The following TIAM2 variants were observed in gnomAD, a reference collection of about 807,000 sequenced individuals.
TIAM2 encodes the protein TIAM Rac1 associated GEF 2.
TIAM2 carries 80 observed loss-of-function variants against 152.9 expected under a neutral mutation model. The observed-to-expected ratio is 0.52, with a 90% CI of 0.44 to 0.63. The LOEUF (loss-of-function observed/expected upper bound fraction) is 0.63. Ranked by LOEUF, TIAM2 falls within the 30% of genes least tolerant of loss-of-function variation. TIAM2 has a pLI of 0.00. For missense variants in TIAM2, 1,965 were observed against 2,120.1 expected (o/e 0.93, Z 1.44); for synonymous variants, 804 against 838.0 (o/e 0.96, Z 0.70).
At chr6:155,204,176 A>G (rs955419378) in intron 14 of TIAM2, among the ~76,000 whole-genome samples, 2 of 152,244 alleles carry the variant, frequency 1.3e-5, no homozygotes, top group African/African-American at 2.4e-5. Flanking sequence ...CCTCGATTTT[A>G]CAAAGAAATG....
chr6:155,240,427 G>A, intron 15 of TIAM2, 103 bp from the exon 16 acceptor site: 2 of 1,282,132 alleles, frequency 1.6e-6, no homozygotes, highest in Non-Finnish European at 2.1e-6. Context: ...GCCCCTCTGA[G>A]ATCCCTGCTG....
intron 14 of TIAM2, among the ~76,000 whole-genome samples, chr6:155,194,046 G>T (rs1186062604): frequency 6.6e-6 from 1 of 152,228 alleles, no homozygotes; most frequent in African/African-American, 2.4e-5. Flanking sequence ...CGATACATAT[G>T]GAGCAGCAAC....
At chr6:155,055,847 A>G (rs188621824) in intron 1 of TIAM2, among the ~76,000 whole-genome samples, 3 of 151,830 alleles carry the variant, frequency 2.0e-5, no homozygotes, top group Non-Finnish European at 4.4e-5. Context: ...CCTGTATCCT[A>G]GCTACTTGGG....
rs147320710 is a variant in TIAM2, at chr6:155,083,175, CCT to C, written c.-208-7113_-208-7112del. Among the ~76,000 whole-genome samples the C allele has an allele frequency of 3.3e-5, 5 of 151,888 alleles. No individual in the cohort carries two copies. In the East Asian group the frequency reaches 9.7e-4, roughly 29 times the overall value. On this transcript the variant is annotated intron_variant, in intron 1 of 26. Transcript: ENST00000682666. Reference sequence around the variant, plus strand: ...CCAGCTCGGTGAACATGGCGAAACCCCTGTCTCTACTAAAAGTACAAAAATTA... The same window carrying C: ...CCAGCTCGGTGAACATGGCGAAACCCGTCTCTACTAAAAGTACAAAAATTA...
At chr6:155,161,602 C>G (rs150518649) in intron 7 of TIAM2, among the ~76,000 whole-genome samples, 3,055 of 147,664 alleles carry the variant, frequency 0.021, 52 homozygotes, top group Middle Eastern at 0.066. Flanking sequence ...GAGTCTCACT[C>G]TGTTGCCCAG....
chr6:155,185,984 T>A (rs1393817253), intron 14 of TIAM2, among the ~76,000 whole-genome samples: 1 of 152,212 alleles, frequency 6.6e-6, no homozygotes, highest in Non-Finnish European at 1.5e-5. Flanking sequence ...GTTGCGTTGC[T>A]TGTGAAGGAA....
intron 14 of TIAM2, among the ~76,000 whole-genome samples, chr6:155,206,914 T>A (rs1223918686): frequency 6.6e-6 from 1 of 152,228 alleles, no homozygotes; most frequent in African/African-American, 2.4e-5. Flanking sequence ...CCAGAGGCTT[T>A]TTCTGGAGTG....
chr6:155,217,281 A>G (rs1351272460), intron 15 of TIAM2, among the ~76,000 whole-genome samples: 2 of 152,218 alleles, frequency 1.3e-5, no homozygotes, highest in Non-Finnish European at 2.9e-5. Context: ...TGCTTTTTAC[A>G]GCTAAGGATA....
intron 1 of TIAM2, among the ~76,000 whole-genome samples, chr6:155,079,798 A>G (rs1778024003): frequency 6.6e-6 from 1 of 152,116 alleles, no homozygotes; most frequent in African/African-American, 2.4e-5. Flanking sequence ...AATACAAAAA[A>G]TCAGCTGGGC....
At position 155,043,258 on chromosome 6, in the gene TIAM2, A is replaced by G. The variant is rs139713771; in HGVS notation, c.-208-47031A>G. Reference sequence around the variant, plus strand: ...GAGATCATCTCATCCAGTGGCTCTCAGCACTGGCTACACATGAGAATCGTC... The same window carrying G: ...GAGATCATCTCATCCAGTGGCTCTCGGCACTGGCTACACATGAGAATCGTC... On this transcript the variant is annotated intron_variant, in intron 1 of 26. Coordinates refer to ENST00000682666, the MANE Select transcript of TIAM2 (RefSeq NM_012454.4). Among the ~76,000 whole-genome samples the G allele has an allele frequency of 2.3e-3, 353 of 152,290 alleles. 1 individual carries two copies. The highest frequency in any genetic ancestry group is 8.2e-3 in the African/African-American group (339 of 41,558).
intron 19 of TIAM2, among the ~76,000 whole-genome samples, chr6:155,246,964 T>G (rs756299638): frequency 1.3e-5 from 2 of 152,234 alleles, no homozygotes; most frequent in South Asian, 2.1e-4. Flanking sequence ...GTGTATCCGC[T>G]GGTACCCAAA....
chr6:155,137,863 G>A (rs1270040352), intron 5 of TIAM2, among the ~76,000 whole-genome samples: 2 of 152,170 alleles, frequency 1.3e-5, no homozygotes, highest in African/African-American at 4.8e-5. Context: ...TTGAGACAGA[G>A]TCTTGCTTTG....
At chr6:155,056,840 A>T (rs1319785886) in intron 1 of TIAM2, among the ~76,000 whole-genome samples, 1 of 151,570 alleles carries the variant, frequency 6.6e-6, no homozygotes, top group African/African-American at 2.4e-5. Context: ...TTTGTCCCTA[A>T]TGTCCTTTTT....
chr6:155,222,613 C>CA (rs747319725), intron 15 of TIAM2, among the ~76,000 whole-genome samples: 60 of 85,314 alleles, frequency 7.0e-4, no homozygotes, highest in East Asian at 6.2e-3. Context: ...AAACAAAAAA[C>CA]AAACAAAAAA....
intron 1 of TIAM2, among the ~76,000 whole-genome samples, chr6:155,087,352 T>C (rs138902648): frequency 2.1e-3 from 314 of 152,358 alleles, no homozygotes; most frequent in African/African-American, 7.2e-3. Flanking sequence ...TATGAGGCCA[T>C]CAGTAAAATA....
Position 155,244,668 on chromosome 6 carries a change from T to C in TIAM2, c.3428T>C (p.Leu1143Pro). The C allele has an allele frequency of 6.2e-7, 1 of 1,613,974 alleles. No homozygotes were observed. The highest frequency in any genetic ancestry group is 8.5e-7 in the Non-Finnish European group (1 of 1,179,920). Residue 1143 changes from leucine (L) to proline (P), a missense_variant, in exon 18 of 27, where the codon CTT becomes CCT. By Grantham distance (98) the Leu-to-Pro change is moderately conservative. Transcript: ENST00000682666. ...CTGATCTTCACATAGATGGAGTCAC[T>C]TTTTGGAAGTTTGCCAGAGATGCTT... ...TFLTQDEMES[L>P]FGSLPEMLEF... is the part of the protein sequence containing the mutation.
chr6:155,129,854 G>C lies in TIAM2; in HGVS notation c.631G>C (p.Val211Leu). Residue 211 changes from valine to leucine, a missense_variant, in exon 4 of 27, where the codon GTG becomes CTG. By Grantham distance (32) the Val-to-Leu change is conservative. Around this residue, in one of 3 missense-constraint regions of TIAM2, gnomAD observed 1,025 missense variants for 1,119.4 expected, o/e 0.92. Coordinates refer to ENST00000682666, the MANE Select transcript of TIAM2 (RefSeq NM_012454.4). This position sits in a 1 kb window ranked among gnomAD's most constrained non-coding sequence, Gnocchi z 4.8. The part of the protein sequence containing the change: ...SPTLASETSP[V>L]PEARRGSSAD... ...TACCTTAGCATCGGAAACCTCCCCT[G>C]TGCCTGAAGCCAGGAGGGGGTCCAG... 1 of 1,613,668 alleles carries C rather than the reference G, an allele frequency of 6.2e-7. No homozygotes were observed. Among genetic ancestry groups the C allele is most frequent in the Non-Finnish European group, 8.5e-7 (1 of 1,180,004 alleles).
intron 1 of TIAM2, among the ~76,000 whole-genome samples, chr6:155,042,089 T>C (rs1777058938): frequency 6.6e-6 from 1 of 151,988 alleles, no homozygotes; most frequent in Admixed American, 6.6e-5. Context: ...TCCTGTGGCC[T>C]CCTGGCTGGT....
intron 1 of TIAM2, among the ~76,000 whole-genome samples, chr6:155,003,174 A>G (rs1778342684): frequency 1.3e-5 from 2 of 152,194 alleles, no homozygotes; most frequent in Non-Finnish European, 2.9e-5. Flanking sequence ...GGACTTTATC[A>G]ATAACAAAGT....
Sources: gnomAD v4.1 joint callset for allele counts (sites outside exome capture counted in the v4.1 genomes callset) on GRCh38, gnomAD v4.1.1 for gene constraint, gnomAD v4.1.1 regional missense constraint, Gnocchi (gnomAD v3.1) non-coding constraint, MANE v1.5 for transcripts, NCBI Gene and HGNC (gene_info 2026-07-23, HGNC 2026-07-21) for gene names.